The following GKN1 variants were observed in gnomAD, a reference collection of about 807,000 sequenced individuals.
The protein encoded by GKN1 is gastrokine-1.
In GKN1, 17 loss-of-function variants were observed where a neutral mutation model predicts 19.7. That is an observed-to-expected ratio of 0.86 (90% CI 0.59 to 1.29). The LOEUF is 1.29. Among genes scored for constraint, GKN1 ranks in the 50% most tolerant of loss-of-function variants. The pLI, the probability that GKN1 is intolerant of heterozygous loss-of-function variation, is 0.00. For synonymous variants in GKN1, 96 were observed against 78.3 expected, an observed-to-expected ratio of 1.23 and a Z score of -1.20; for missense variants, 218 against 224.5, an observed-to-expected ratio of 0.97 and a Z score of 0.19.
Position 68,977,644 on chromosome 2 carries a change from A to C in GKN1, c.74A>C (p.Asn25Thr). ...LAPALANYNINVNDDNNNAGS... is the reference protein window; with the variant it reads ...LAPALANYNITVNDDNNNAGS... ...ATCTCTTATAAACTTCAGAATATCA[A>C]CGTCAATGATGACAACAACAATGCT... Residue 25 changes from asparagine (N) to threonine (T), a missense_variant, in exon 3 of 6, where the codon AAC (asparagine) becomes ACC (threonine). Transcript: ENST00000377938. The C allele has an allele frequency of 6.2e-7, 1 of 1,610,954 alleles. No homozygotes were observed. The highest frequency in any genetic ancestry group is 8.5e-7 in the Non-Finnish European group (1 of 1,177,134).
At chr2:68,978,147 G>GTT (rs1469186706) in intron 3 of GKN1, 1 of 191,790 alleles carries the variant, frequency 5.2e-6, no homozygotes. Context: ...GAGGTTTTAC[G>GTT]ACCTTCTAAA....
At chr2:68,979,021 GT>G (rs769323019) in intron 4 of GKN1, 40 bp downstream of exon 4, 1 of 936,120 alleles carries the variant, frequency 1.1e-6, no homozygotes, top group South Asian at 1.4e-5. Flanking sequence ...GAGGGGAGAG[GT>G]TTTACATCCT....
In GKN1 at chr2:68,977,790, G is replaced by GCAATTTT; in HGVS notation, c.204+19_204+25dup. On this transcript the variant is annotated intron_variant, in intron 3 of 5. Coordinates refer to ENST00000377938, the MANE Select transcript of GKN1 (RefSeq NM_019617.4). ...TTATGGAAATGTAGGTAGTCAACGT[G>GCAATTTT]CAATTTTCACTTTATTGTTTAAAAA... The GCAATTTT allele has an allele frequency of 6.3e-7, 1 of 1,585,614 alleles. No individual in the cohort carries two copies.
At chr2:68,975,277 T>C (rs1670239578) in intron 1 of GKN1, among the ~76,000 whole-genome samples, 1 of 152,162 alleles carries the variant, frequency 6.6e-6, no homozygotes, top group African/African-American at 2.4e-5. Flanking sequence ...TCAAAATAAG[T>C]GGCTGAGATA....
chr2:68,977,678 G>A lies in GKN1; in HGVS notation c.108G>A (p.Gly36=), dbSNP rs906918200. The part of the protein sequence containing the change: ...VNDDNNNAGS[G]QQSVSVNNEH... ...ATGACAACAACAATGCTGGAAGTGG[G>A]CAGCAGTCAGTGAGTGTCAACAATG... The change falls in exon 3 of 6, where the codon GGG becomes GGA. Residue 36 remains glycine, a synonymous_variant. Coordinates refer to ENST00000377938, the MANE Select transcript of GKN1 (RefSeq NM_019617.4). 5 of 1,607,884 alleles carry A rather than the reference G, an allele frequency of 3.1e-6. No homozygotes were observed. The highest frequency in any genetic ancestry group is 4.3e-6 in the Non-Finnish European group (5 of 1,174,474).
intron 5 of GKN1, among the ~76,000 whole-genome samples, 183 bp downstream of exon 5, chr2:68,980,243 C>CCG (rs1670339926): frequency 6.6e-6 from 1 of 152,022 alleles, no homozygotes; most frequent in African/African-American, 2.4e-5. Context: ...CGGTTCTTCA[C>CCG]AGCAATCTTA....
At chr2:68,976,399 G>A (rs13384985) in intron 1 of GKN1, among the ~76,000 whole-genome samples, 25,642 of 151,918 alleles carry the variant, frequency 0.17, 2,961 homozygotes, top group African/African-American at 0.31. Flanking sequence ...TTCAATACTG[G>A]TACAAATATG....
At chr2:68,977,952 T>A in intron 3 of GKN1, 178 bp downstream of exon 3, 1 of 593,272 alleles carries the variant, frequency 1.7e-6, no homozygotes, top group Non-Finnish European at 3.0e-6. Context: ...AGATAACTAC[T>A]GTTAATAAGT....
At chr2:68,980,164 C>A in intron 5 of GKN1, 104 bp downstream of exon 5, 1 of 950,978 alleles carries the variant, frequency 1.1e-6, no homozygotes, top group Non-Finnish European at 1.7e-6. Context: ...GGATGGTCAT[C>A]AAGGCCAACA....
chr2:68,978,271 G>GGAAAGAAAGAAAGAAAGAAA lies in GKN1; in HGVS notation c.204+504_204+523dup, dbSNP rs773400726. ...AGGAAAGAAAGAAAGAAGGAAGGAA[G>GGAAAGAAAGAAAGAAAGAAA]GAAAGAAAGAAAGAAAGAAAGAAAG... On this transcript the variant is annotated intron_variant, in intron 3 of 5. Coordinates refer to ENST00000377938, the MANE Select transcript of GKN1 (RefSeq NM_019617.4). Among the ~76,000 whole-genome samples, 17 of 87,266 alleles carry GGAAAGAAAGAAAGAAAGAAA rather than the reference G, an allele frequency of 1.9e-4. 2 individuals are homozygous for GGAAAGAAAGAAAGAAAGAAA. The highest frequency in any genetic ancestry group is 1.1e-3 in the African/African-American group (17 of 15,606). The allele number at this position is 87,266 out of a possible 152,430, so 57.2% of individuals were successfully genotyped here.
chr2:68,979,769 T>G (rs1239117458), intron 4 of GKN1, 144 bp from the exon 5 acceptor site: 5 of 635,540 alleles, frequency 7.9e-6, no homozygotes, highest in Non-Finnish European at 1.4e-5. Flanking sequence ...AAGCTAGAAA[T>G]GGCTCTTCTT....
At position 68,979,974 on chromosome 2, in the gene GKN1, A is replaced by G. The variant is rs377497364; in HGVS notation, c.377A>G (p.Asn126Ser). 1 of 1,613,468 alleles carries G rather than the reference A, an allele frequency of 6.2e-7. No individual in the cohort carries two copies. The highest frequency in any genetic ancestry group is 8.5e-7 in the Non-Finnish European group (1 of 1,179,426). ...PKGLMYSVNP[N>S]KVDDLSKFGK... ...GGCCTGATGTACTCAGTCAACCCAA[A>G]CAAAGTCGATGACCTGAGCAAGTTC... The change falls in exon 5 of 6, where the codon AAC becomes AGC. Residue 126 changes from asparagine to serine, a missense_variant. Transcript: ENST00000377938.
Position 68,979,929 on chromosome 2 carries a change from C to G in GKN1, c.332C>G (p.Pro111Arg), listed in dbSNP as rs756277280. The part of the protein sequence containing the change: ...VKEKKLQGKG[P>R]GGPPPKGLMY... ...CACACTCAGCTTCAGGGTAAGGGAC[C>G]AGGAGGACCACCTCCCAAGGGCCTG... is the stretch of plus-strand genomic sequence containing the variant. The change falls in exon 5 of 6, where the codon CCA (proline) becomes CGA (arginine). Residue 111 changes from proline (P) to arginine (R), a missense_variant. By Grantham distance (103) the Pro-to-Arg change is moderately radical. Coordinates refer to ENST00000377938, the MANE Select transcript of GKN1 (RefSeq NM_019617.4). 1 of 1,613,478 alleles carries G rather than the reference C, an allele frequency of 6.2e-7. No individual in the cohort carries two copies. Among genetic ancestry groups the G allele is most frequent in the Admixed American group, 1.7e-5 (1 of 60,014 alleles).
chr2:68,980,701 T>C lies in GKN1; in HGVS notation c.464-28T>C, dbSNP rs1670345502. 6.9e-6 allele frequency: 8 copies of C among 1,167,362 alleles called. No individual in the cohort carries two copies. In the East Asian group the frequency reaches 1.9e-4, roughly 27 times the overall value. 72.3% of individuals were successfully genotyped at this position (1,167,362 alleles called of 1,614,324 possible). A position where few individuals can be genotyped will look rare whatever the true frequency, so the allele number is the denominator to read the frequency against. On this transcript the variant is annotated intron_variant, in intron 5 of 5. Coordinates refer to ENST00000377938, the MANE Select transcript of GKN1 (RefSeq NM_019617.4). ...AAAAGAGTCCTTAAATAGACATTAA[T>C]ATAGGCTTCTTCTTTTCTCTTTATT...
At chr2:68,975,692 C>T (rs1670248385) in intron 1 of GKN1, among the ~76,000 whole-genome samples, 1 of 152,112 alleles carries the variant, frequency 6.6e-6, no homozygotes, top group Non-Finnish European at 1.5e-5. Flanking sequence ...GATTTGATTT[C>T]TCTCCTAGTT....
intron 3 of GKN1, among the ~76,000 whole-genome samples, chr2:68,978,378 A>C (rs1471598055): frequency 6.6e-6 from 1 of 152,088 alleles, no homozygotes; most frequent in Non-Finnish European, 1.5e-5. Flanking sequence ...AAGCAAAGAA[A>C]GAGAGGAGCA....
intron 1 of GKN1, among the ~76,000 whole-genome samples, chr2:68,975,529 T>A (rs1670246505): frequency 6.6e-6 from 1 of 152,164 alleles, no homozygotes; most frequent in Non-Finnish European, 1.5e-5. Context: ...ATCAGATGAC[T>A]ATTTTCATGT....
Position 68,980,751 on chromosome 2 carries a change from A to C in GKN1, c.486A>C (p.Ser162=). 6.3e-7 allele frequency: 1 copy of C among 1,585,398 alleles called. No individual in the cohort carries two copies. Among genetic ancestry groups the C allele is most frequent in the Admixed American group, 1.7e-5 (1 of 60,000 alleles). ...TAGAGGCAAGCCTGTTTTTTTACTC[A>C]GGAACGTGCTACACGACCAGTGTAC... ...EMQEASLFFY[S]GTCYTTSVLW... Residue 162 remains serine, a synonymous_variant, in exon 6 of 6, where the codon TCA becomes TCC. Coordinates refer to ENST00000377938, the MANE Select transcript of GKN1 (RefSeq NM_019617.4).
chr2:68,980,432 C>A (rs1670342570), intron 5 of GKN1, among the ~76,000 whole-genome samples: 1 of 152,154 alleles, frequency 6.6e-6, no homozygotes, highest in Non-Finnish European at 1.5e-5. Flanking sequence ...CAAAAGAATG[C>A]ATGAATGGCT....
Sources: gnomAD v4.1 joint callset for allele counts (sites outside exome capture counted in the v4.1 genomes callset) on GRCh38, gnomAD v4.1.1 for gene constraint, MANE v1.5 for transcripts, NCBI Gene and HGNC (gene_info 2026-07-23, HGNC 2026-07-21) for gene names.